The following CDH9 variants were observed in gnomAD, a reference collection of about 807,000 sequenced individuals.
CDH9 encodes the protein cadherin 9.
A neutral mutation model predicts 70.9 loss-of-function variants in CDH9; 28 were observed. The observed-to-expected ratio is 0.40, with a 90% CI of 0.29 to 0.54. The LOEUF is 0.54. Ranked by LOEUF, CDH9 falls within the 20% of genes least tolerant of loss-of-function variation. The probability of loss-of-function intolerance (pLI) is 0.59; values close to 1 mark genes in which losing one functional copy is unlikely to be tolerated. For missense variants in CDH9, 874 were observed against 984.4 expected, an observed-to-expected ratio of 0.89 and a Z score of 1.50; for synonymous variants, 409 against 343.1, an observed-to-expected ratio of 1.19 and a Z score of -2.12.
chr5:26,991,800 T>C (rs144385809), intron 1 of CDH9, among the ~76,000 whole-genome samples: 1 of 152,280 alleles, frequency 6.6e-6, no homozygotes, highest in East Asian at 1.9e-4. Context: ...TTCTTGAGTG[T>C]CATTTATATC....
At chr5:26,891,978 C>T (rs1197299253) in intron 7 of CDH9, among the ~76,000 whole-genome samples, 2 of 152,084 alleles carry the variant, frequency 1.3e-5, no homozygotes, top group Non-Finnish European at 2.9e-5. Flanking sequence ...AATTCCCTGC[C>T]TAGAATATAC....
At chr5:27,014,908 A>G (rs1383205094) in intron 1 of CDH9, among the ~76,000 whole-genome samples, 1 of 151,892 alleles carries the variant, frequency 6.6e-6, no homozygotes, top group African/African-American at 2.4e-5. Flanking sequence ...TATCCTTATC[A>G]CATCCACAGA....
intron 7 of CDH9, among the ~76,000 whole-genome samples, chr5:26,892,015 C>T (rs1226563762): frequency 3.3e-5 from 5 of 152,058 alleles, no homozygotes; most frequent in African/African-American, 1.2e-4. Context: ...CTGTTCACAC[C>T]GCCCACCTTG....
intron 2 of CDH9, among the ~76,000 whole-genome samples, chr5:26,973,792 T>C (rs1366841134): frequency 1.3e-5 from 2 of 152,336 alleles, no homozygotes; most frequent in East Asian, 3.9e-4. Flanking sequence ...TTACAATGCC[T>C]TTTTATATTT....
Position 26,988,266 on chromosome 5 carries a change from A to G in CDH9, c.68T>C (p.Leu23Pro). ...ATAACTGTTAGGTTTTTCTTGTAAT[A>G]GGATGGTGTCAACTGTATGGAACAT... ...TYMFHTVDTI[L>P]LQEKPNSYLS... Residue 23 changes from leucine (L) to proline (P), a missense_variant, in exon 2 of 12, where the codon CTA becomes CCA. Leu to Pro is a moderately conservative substitution (Grantham distance 98, BLOSUM62 -3). Coordinates refer to ENST00000231021, the MANE Select transcript of CDH9 (RefSeq NM_016279.4). 6 of 1,613,482 alleles carry G rather than the reference A, an allele frequency of 3.7e-6. No homozygotes were observed. The highest frequency in any genetic ancestry group is 5.1e-6 in the Non-Finnish European group (6 of 1,179,578).
intron 2 of CDH9, among the ~76,000 whole-genome samples, chr5:26,952,683 T>C (rs1741872884): frequency 7.0e-6 from 1 of 143,702 alleles, no homozygotes; most frequent in Admixed American, 6.9e-5. Context: ...GATTGGGTCA[T>C]GAGGGCTTGG....
intron 2 of CDH9, among the ~76,000 whole-genome samples, chr5:26,966,806 G>T (rs537564988): frequency 6.6e-6 from 1 of 152,100 alleles, no homozygotes; most frequent in African/African-American, 2.4e-5. Flanking sequence ...GGAATTACTA[G>T]TTCTTTTTCT....
In CDH9 at chr5:26,983,895, G is replaced by A. The variant is rs557141164; in HGVS notation, c.228+4211C>T. On this transcript the variant is annotated intron_variant, in intron 2 of 11. Transcript: ENST00000231021. The stretch of plus-strand genomic sequence containing the variant: ...AAGCTTAAGAAAAAGTTACCTATTC[G>A]AGTCCATTATTTTATATATACTTCA... 2.6e-5 allele frequency among the ~76,000 whole-genome samples: 4 copies of A among 151,942 alleles called. No individual in the cohort carries two copies. The South Asian group carries it at 6.2e-4, about 24-fold the overall frequency.
chr5:27,026,588 T>G (rs1439435077), intron 1 of CDH9, among the ~76,000 whole-genome samples: 1 of 152,028 alleles, frequency 6.6e-6, no homozygotes, highest in Non-Finnish European at 1.5e-5. Context: ...TACCTTCTTG[T>G]GATTAAAAAC....
chr5:26,963,632 T>G (rs1426287782), intron 2 of CDH9, among the ~76,000 whole-genome samples: 2 of 152,122 alleles, frequency 1.3e-5, no homozygotes, highest in Non-Finnish European at 2.9e-5. Context: ...CTTCATTATT[T>G]TGTATACTTT....
intron 2 of CDH9, among the ~76,000 whole-genome samples, chr5:26,972,449 A>T (rs1015246944): frequency 1.3e-5 from 2 of 151,996 alleles, no homozygotes; most frequent in Non-Finnish European, 1.5e-5. Context: ...GTTCCAGGAA[A>T]CCCATGTATA....
intron 2 of CDH9, among the ~76,000 whole-genome samples, chr5:26,924,503 A>T (rs1741301289): frequency 6.6e-6 from 1 of 150,408 alleles, no homozygotes; most frequent in Admixed American, 6.6e-5. Context: ...AACTATTTAA[A>T]AAAATAGAGG....
At chr5:26,959,522 G>A (rs1741998887) in intron 2 of CDH9, among the ~76,000 whole-genome samples, 1 of 152,116 alleles carries the variant, frequency 6.6e-6, no homozygotes, top group East Asian at 1.9e-4. Context: ...CCAAATAATT[G>A]AAAATATGTT....
chr5:26,951,133 A>G (rs1483210432), intron 2 of CDH9, among the ~76,000 whole-genome samples: 1 of 151,802 alleles, frequency 6.6e-6, no homozygotes, highest in Admixed American at 6.6e-5. Flanking sequence ...CTCTACTAAA[A>G]ATACAAAAAA....
chr5:27,024,746 A>G (rs570227011), intron 1 of CDH9, among the ~76,000 whole-genome samples: 81 of 152,258 alleles, frequency 5.3e-4, no homozygotes, highest in African/African-American at 1.9e-3. Flanking sequence ...AATTGATACG[A>G]CATTGAAACT....
chr5:26,887,673 G>T (rs921200423), intron 9 of CDH9, among the ~76,000 whole-genome samples: 2 of 152,170 alleles, frequency 1.3e-5, no homozygotes, highest in African/African-American at 4.8e-5. Flanking sequence ...GGCTTATTTG[G>T]ATATAGGCCG....
At chr5:26,902,362 T>C (rs1740871208) in intron 7 of CDH9, 114 bp downstream of exon 7, 5 of 652,524 alleles carry the variant, frequency 7.7e-6, no homozygotes, top group South Asian at 2.0e-5. Flanking sequence ...AGTGAGATTA[T>C]TGGTATTATT....
At position 26,901,724 on chromosome 5, in the gene CDH9, T is replaced by C. The variant is rs551785938; in HGVS notation, c.1253+752A>G. Reference sequence around the variant, plus strand: ...ATTATTCATCCCATGCATTAATCTATATATGCCCCAACTATATTTAAATTC... The same window carrying C: ...ATTATTCATCCCATGCATTAATCTACATATGCCCCAACTATATTTAAATTC... On this transcript the variant is annotated intron_variant, in intron 7 of 11. Transcript: ENST00000231021. Among the ~76,000 whole-genome samples, 29 of 151,976 alleles carry C rather than the reference T, an allele frequency of 1.9e-4. No homozygotes were observed. The South Asian group carries it at 6.0e-3, about 32-fold the overall frequency.
At chr5:26,886,935 G>A (rs564800353) in intron 9 of CDH9, among the ~76,000 whole-genome samples, 4 of 152,160 alleles carry the variant, frequency 2.6e-5, no homozygotes, top group Non-Finnish European at 5.9e-5. Flanking sequence ...GACTTTTAAC[G>A]TTCTCTTCTA....
Sources: allele counts gnomAD v4.1 joint callset (sites outside exome capture counted in the v4.1 genomes callset), GRCh38; gene constraint gnomAD v4.1.1; transcripts MANE v1.5; gene names NCBI Gene and HGNC (gene_info 2026-07-23, HGNC 2026-07-21).